The following LARGE1 variants were observed in gnomAD, a reference collection of about 807,000 sequenced individuals.
The protein encoded by LARGE1 is LARGE xylosyl- and glucuronyltransferase 1.
Under a neutral mutation model 87.6 loss-of-function variants are expected in LARGE1, and 43 were observed. That is an observed-to-expected ratio of 0.49 (90% CI 0.38 to 0.63). The LOEUF (loss-of-function observed/expected upper bound fraction) is 0.63. Ranked by LOEUF, LARGE1 falls within the 30% of genes least tolerant of loss-of-function variation. The pLI is 0.00. For synonymous variants in LARGE1, 434 were observed against 394.6 expected, an observed-to-expected ratio of 1.10 and a Z score of -1.18; for missense variants, 802 against 1,000.2, an observed-to-expected ratio of 0.80 and a Z score of 2.67.
At chr22:33,365,708 C>A (rs2064562486) in intron 9 of LARGE1, among the ~76,000 whole-genome samples, 1 of 151,870 alleles carries the variant, frequency 6.6e-6, no homozygotes, top group Non-Finnish European at 1.5e-5. Flanking sequence ...TCTCCACCTC[C>A]CGGGCTCAAG....
chr22:33,384,375 A>G, intron 7 of LARGE1, 71 bp from the exon 8 acceptor site: 1 of 1,050,882 alleles, frequency 9.5e-7, no homozygotes, highest in Non-Finnish European at 1.5e-6. Context: ...ACACCTACTC[A>G]CATCACAGCC....
intron 3 of LARGE1, among the ~76,000 whole-genome samples, chr22:33,644,069 G>A (rs548180683): frequency 1.3e-5 from 2 of 152,308 alleles, no homozygotes; most frequent in Admixed American, 6.5e-5. Flanking sequence ...TATGAGGCCA[G>A]CATCACCCTA....
chr22:33,141,239 A>C, the LARGE1 span, among the ~76,000 whole-genome samples: 1 of 151,790 alleles, frequency 6.6e-6, no homozygotes, highest in African/African-American at 2.4e-5. Flanking sequence ...TGAAATTCAC[A>C]TAATCTATCT....
chr22:33,560,189 A>G (rs1227434479), intron 6 of LARGE1, among the ~76,000 whole-genome samples: 1 of 152,206 alleles, frequency 6.6e-6, no homozygotes, highest in African/African-American at 2.4e-5. Flanking sequence ...TAAAATAGGA[A>G]CATCAACAGT....
intron 11 of LARGE1, among the ~76,000 whole-genome samples, chr22:33,195,037 C>T (rs1352841652): frequency 5.3e-5 from 8 of 152,020 alleles, no homozygotes; most frequent in Admixed American, 5.2e-4. Context: ...ATAAATTAAC[C>T]AACTATTTAT....
At chr22:33,684,198 A>T (rs2081874244) in intron 2 of LARGE1, among the ~76,000 whole-genome samples, 1 of 152,196 alleles carries the variant, frequency 6.6e-6, no homozygotes, top group Non-Finnish European at 1.5e-5. Flanking sequence ...TGTTTGGGGA[A>T]GGAACACTGT....
intron 5 of LARGE1, among the ~76,000 whole-genome samples, chr22:33,594,066 T>C (rs2078915083): frequency 6.6e-6 from 1 of 152,238 alleles, no homozygotes; most frequent in Non-Finnish European, 1.5e-5. Flanking sequence ...CAACTCTTAA[T>C]AATGGGAATT....
intron 6 of LARGE1, among the ~76,000 whole-genome samples, chr22:33,538,256 AC>A (rs1468903193): frequency 6.6e-6 from 1 of 152,192 alleles, no homozygotes; most frequent in Non-Finnish European, 1.5e-5. Context: ...CTATGCCTGC[AC>A]CATGCTTTTG....
intron 1 of LARGE1, among the ~76,000 whole-genome samples, chr22:33,803,181 G>A (rs141559156): frequency 1.3e-5 from 2 of 152,078 alleles, no homozygotes; most frequent in African/African-American, 4.8e-5. Context: ...ATTACATTAT[G>A]GAATTGGTAG....
chr22:33,104,722 G>A, the LARGE1 span, among the ~76,000 whole-genome samples: 1 of 152,162 alleles, frequency 6.6e-6, no homozygotes, highest in East Asian at 1.9e-4. Flanking sequence ...GCAGGCATTT[G>A]CAGAGACCTC....
intron 6 of LARGE1, among the ~76,000 whole-genome samples, chr22:33,489,411 T>C (rs942125538): frequency 2.6e-5 from 4 of 152,214 alleles, no homozygotes; most frequent in African/African-American, 9.6e-5. Context: ...AGGACAATGA[T>C]ATGGTCTGGC....
chr22:33,610,651 G>A (rs2079400616), intron 4 of LARGE1, among the ~76,000 whole-genome samples: 1 of 152,122 alleles, frequency 6.6e-6, no homozygotes, highest in African/African-American at 2.4e-5. Context: ...GTGGGTGGTG[G>A]GGGAGAAGAA....
chr22:33,241,215 GCT>G (rs3071497), intron 11 of LARGE1, among the ~76,000 whole-genome samples: 1 of 150,904 alleles, frequency 6.6e-6, no homozygotes, highest in Middle Eastern at 3.2e-3. Context: ...GAAGACATAT[GCT>G]CTCTCTCTCT....
rs560714961 is a variant in LARGE1, at chr22:33,394,937, C to G, written c.893-10633G>C. ...GAAGATCCCAATCATTATAAAAGGC[C>G]GGGAAAGGGCTGGGCATGGTGGCTC... On this transcript the variant is annotated intron_variant, in intron 7 of 14. Coordinates refer to ENST00000397394, the MANE Select transcript of LARGE1 (RefSeq NM_133642.5). 1.5e-4 allele frequency among the ~76,000 whole-genome samples: 23 copies of G among 151,884 alleles called. No homozygotes were observed. In the East Asian group the frequency reaches 3.3e-3, roughly 22 times the overall value.
intron 5 of LARGE1, among the ~76,000 whole-genome samples, chr22:33,593,930 T>A (rs9609833): frequency 0.085 from 12,924 of 152,248 alleles, 679 homozygotes; most frequent in African/African-American, 0.14. Flanking sequence ...ATTCATGTTT[T>A]GGTTCCACAA....
chr22:33,127,112 A>G, the LARGE1 span, among the ~76,000 whole-genome samples: 1 of 152,200 alleles, frequency 6.6e-6, no homozygotes, highest in Non-Finnish European at 1.5e-5. Context: ...GATTTGTTCC[A>G]TTTGAGAGAA....
chr22:33,622,706 C>T (rs1218148971), intron 4 of LARGE1, among the ~76,000 whole-genome samples: 2 of 152,210 alleles, frequency 1.3e-5, no homozygotes, highest in African/African-American at 4.8e-5. Flanking sequence ...AACCCAACGT[C>T]TCATTTGCTG....
chr22:33,595,997 G>C (rs568764485), intron 5 of LARGE1, among the ~76,000 whole-genome samples: 1 of 152,172 alleles, frequency 6.6e-6, no homozygotes, highest in Non-Finnish European at 1.5e-5. Context: ...GGGTCCTTTG[G>C]GAGGTAATGA....
intron 2 of LARGE1, among the ~76,000 whole-genome samples, chr22:33,741,298 A>G (rs2083871646): frequency 6.6e-6 from 1 of 152,212 alleles, no homozygotes; most frequent in South Asian, 2.1e-4. Flanking sequence ...TTAAAAATGC[A>G]AATTAAGTGT....
Sources: allele counts gnomAD v4.1 joint callset (sites outside exome capture counted in the v4.1 genomes callset), GRCh38; gene constraint gnomAD v4.1.1; transcripts MANE v1.5; gene names NCBI Gene and HGNC (gene_info 2026-07-23, HGNC 2026-07-21).